Variants in EDA observed in about 807,000 individuals in gnomAD.
EDA encodes the protein ectodysplasin A, also known as ectodysplasin-A.
Under a neutral mutation model 23.6 loss-of-function variants are expected in EDA, and 2 were observed. That is an observed-to-expected ratio of 0.08 (90% CI 0.03 to 0.27). The LOEUF (loss-of-function observed/expected upper bound fraction) is 0.27. Ranked by LOEUF, EDA falls within the 10% of genes least tolerant of loss-of-function variation. The pLI, the probability that EDA is intolerant of heterozygous loss-of-function variation, is 1.00. For missense variants in EDA, 229 were observed against 324.2 expected (o/e 0.71, Z 2.26); for synonymous variants, 131 against 132.0 (o/e 0.99, Z 0.05).
intron 1 of EDA, among the ~76,000 whole-genome samples, chrX:69,664,943 T>C (rs754324503): frequency 5.4e-5 from 6 of 111,663 alleles, no homozygotes; most frequent in Non-Finnish European, 5.6e-5. Context: ...TGTACAAGAG[T>C]TCTCTTTTCT....
intron 1 of EDA, among the ~76,000 whole-genome samples, chrX:69,622,825 G>A (rs1932232444): frequency 9.0e-6 from 1 of 111,462 alleles, no homozygotes; most frequent in East Asian, 2.8e-4. Flanking sequence ...TTATGTTTTT[G>A]ACATTTACAT....
chrX:69,718,864 G>A (rs5980840), intron 1 of EDA, among the ~76,000 whole-genome samples: 19,193 of 111,157 alleles, frequency 0.17, 1,264 homozygotes, highest in Non-Finnish European at 0.2. Flanking sequence ...GAAGAAATTT[G>A]TTAAAGTTTA....
intron 1 of EDA, among the ~76,000 whole-genome samples, chrX:69,649,911 G>A (rs142714759): frequency 0.014 from 1,561 of 112,113 alleles, 20 homozygotes; most frequent in African/African-American, 0.046. Flanking sequence ...TGAGGGTAAG[G>A]AAAGAGGTAG....
chrX:69,776,947 C>T (rs2014803615), intron 1 of EDA, among the ~76,000 whole-genome samples: 1 of 111,013 alleles, frequency 9.0e-6, no homozygotes, highest in Non-Finnish European at 1.9e-5. Context: ...ATCCTAGAGT[C>T]CTGGAGAATA....
intron 2 of EDA, among the ~76,000 whole-genome samples, chrX:69,966,966 G>T (rs768456584): frequency 2.6e-3 from 281 of 108,506 alleles, no homozygotes; most frequent in African/African-American, 8.9e-3. Flanking sequence ...TATTATAGGT[G>T]TGTGTGTGTA....
intron 1 of EDA, among the ~76,000 whole-genome samples, chrX:69,730,466 A>G (rs1357882373): frequency 3.6e-5 from 4 of 112,186 alleles, no homozygotes; most frequent in African/African-American, 1.3e-4. Context: ...GTCTGGGGAC[A>G]GTAAGCATGT....
chrX:69,631,979 A>G (rs1248112151), intron 1 of EDA, among the ~76,000 whole-genome samples: 2 of 111,981 alleles, frequency 1.8e-5, no homozygotes, highest in Non-Finnish European at 3.8e-5. Context: ...TTGGCCTATA[A>G]CTATATATCC....
intron 2 of EDA, among the ~76,000 whole-genome samples, chrX:69,978,427 C>T (rs1327625693): frequency 6.2e-5 from 6 of 96,073 alleles, no homozygotes; most frequent in African/African-American, 2.0e-4. Flanking sequence ...TGCTTGAACC[C>T]GGGAGGCGGA....
chrX:69,801,610 C>T (rs1259802574), intron 1 of EDA, among the ~76,000 whole-genome samples: 1 of 111,796 alleles, frequency 8.9e-6, no homozygotes, highest in Non-Finnish European at 1.9e-5. Flanking sequence ...ATTTGTTACA[C>T]ATATGACTGA....
At chrX:69,934,845 G>A (rs1466859266) in intron 1 of EDA, among the ~76,000 whole-genome samples, 2 of 110,967 alleles carry the variant, frequency 1.8e-5, no homozygotes, top group Non-Finnish European at 3.8e-5. Flanking sequence ...AATGTACAAT[G>A]ATTGTTGACT....
intron 1 of EDA, among the ~76,000 whole-genome samples, chrX:69,695,073 A>C (rs1284311680): frequency 3.6e-5 from 4 of 111,914 alleles, no homozygotes; most frequent in African/African-American, 6.5e-5. Context: ...TAATCCCAGC[A>C]CTTTGGGAGG....
At chrX:69,914,364 A>C (rs1299309860) in intron 1 of EDA, among the ~76,000 whole-genome samples, 1 of 112,200 alleles carries the variant, frequency 8.9e-6, no homozygotes, top group East Asian at 2.8e-4. Flanking sequence ...AGAAAGATTA[A>C]GCGACCTTCC....
intron 3 of EDA, among the ~76,000 whole-genome samples, chrX:70,023,908 G>A (rs909135474): frequency 1.8e-5 from 2 of 111,703 alleles, no homozygotes; most frequent in South Asian, 3.8e-4. Flanking sequence ...CCATTGTGCC[G>A]TTGTTGGGTC....
At chrX:69,709,784 C>T (rs1325441512) in intron 1 of EDA, among the ~76,000 whole-genome samples, 1 of 112,289 alleles carries the variant, frequency 8.9e-6, no homozygotes, top group Non-Finnish European at 1.9e-5. Flanking sequence ...CATGGGCCAT[C>T]ACTCCTGTCT....
Position 69,943,740 on chromosome X carries a change from C to T in EDA, c.397-13287C>T, listed in dbSNP as rs1028976620. Among the ~76,000 whole-genome samples the T allele has an allele frequency of 4.6e-5, 5 of 109,058 alleles. No homozygotes were observed. The East Asian group carries it at 8.8e-4, about 19-fold the overall frequency. 94.7% of individuals were successfully genotyped at this position (109,058 alleles called of 115,157 possible). A position where few individuals can be genotyped will look rare whatever the true frequency, so the allele number is the denominator to read the frequency against. Reference sequence around the variant, plus strand: ...TCAGCAGGTGGCAAATCTAGCCAAGCGTACGATATTCCATTCAGGGTGGCA... The same window carrying T: ...TCAGCAGGTGGCAAATCTAGCCAAGTGTACGATATTCCATTCAGGGTGGCA... On this transcript the variant is annotated intron_variant, in intron 1 of 7. Transcript: ENST00000374552.
chrX:69,658,544 G>C (rs1000200247), intron 1 of EDA, among the ~76,000 whole-genome samples: 11 of 110,760 alleles, frequency 9.9e-5, no homozygotes, highest in Admixed American at 6.8e-4. Context: ...AGCCTTTCTA[G>C]TTCATTCATT....
In EDA at chrX:69,875,235, A is replaced by G. The variant is rs181828626; in HGVS notation, c.397-81792A>G. On this transcript the variant is annotated intron_variant, in intron 1 of 7. Coordinates refer to ENST00000374552, the MANE Select transcript of EDA (RefSeq NM_001399.5). ...ACAATACCTGACTTTGAACTATACT[A>G]TAAGGCTATAGTCACCAAAACAGCA... Among the ~76,000 whole-genome samples, 37 of 112,295 alleles carry G rather than the reference A, an allele frequency of 3.3e-4. No homozygotes were observed. The East Asian group carries it at 3.4e-3, about 10-fold the overall frequency.
chrX:69,875,657 C>G (rs2017631977), intron 1 of EDA, among the ~76,000 whole-genome samples: 1 of 111,715 alleles, frequency 9.0e-6, no homozygotes. Flanking sequence ...AACTAAAGAG[C>G]TTTTGCATGG....
At chrX:69,750,899 A>T (rs1307123872) in intron 1 of EDA, among the ~76,000 whole-genome samples, 1 of 111,433 alleles carries the variant, frequency 9.0e-6, no homozygotes, top group African/African-American at 3.3e-5. Context: ...AATTTGTTTA[A>T]GTTCTTCATA....
Sources: gnomAD v4.1 joint callset for allele counts (sites outside exome capture counted in the v4.1 genomes callset) on GRCh38, gnomAD v4.1.1 for gene constraint, MANE v1.5 for transcripts, NCBI Gene and HGNC (gene_info 2026-07-23, HGNC 2026-07-21) for gene names.